Variants in FN1 observed in about 807,000 individuals in gnomAD.
FN1 encodes the protein fibronectin.
A neutral mutation model predicts 297.3 loss-of-function variants in FN1; 106 were observed. That is an observed-to-expected ratio of 0.36 (90% CI 0.30 to 0.42). FN1 has a LOEUF of 0.42. FN1 is among the 10% of genes least tolerant of loss of function. The pLI, the probability that FN1 is intolerant of heterozygous loss-of-function variation, is 1.00. For synonymous variants in FN1, 1,149 were observed against 1,152.6 expected, an observed-to-expected ratio of 1.00 and a Z score of 0.06; for missense variants, 2,690 against 3,124.9, an observed-to-expected ratio of 0.86 and a Z score of 3.32.
intron 41 of FN1, among the ~76,000 whole-genome samples, chr2:215,368,412 A>G (rs979338655): frequency 6.6e-6 from 1 of 152,168 alleles, no homozygotes; most frequent in African/African-American, 2.4e-5. Flanking sequence ...GCTATTTAAT[A>G]CCACTCTGCC....
chr2:215,373,403 G>A lies in FN1; in HGVS notation c.6166C>T (p.Pro2056Ser), dbSNP rs1273930775. ...ACATAAATTGTATATTCGGTTCCCG[G>A]TTCCAGGCCTGAAGGGAGAATAGAA... Reference protein sequence around the residue: ...VTEATITGLEPGTEYTIYVIA... With the variant: ...VTEATITGLESGTEYTIYVIA... Residue 2056 changes from proline (P) to serine (S), a missense_variant, in exon 39 of 46, where the codon CCG becomes TCG. Coordinates refer to ENST00000354785, the MANE Select transcript of FN1 (RefSeq NM_212482.4). 1.2e-6 allele frequency: 2 copies of A among 1,612,630 alleles called. No homozygotes were observed. Among genetic ancestry groups the A allele is most frequent in the Admixed American group, 3.3e-5 (2 of 59,996 alleles).
In FN1 at chr2:215,414,836, CA is replaced by C; in HGVS notation, c.1941del (p.Asn649IlefsTer3). On this transcript the variant is annotated frameshift_variant and splice_region_variant, in exon 13 of 46. Transcript: ENST00000354785. LOFTEE classifies it high-confidence loss of function. ...HISKYILRWRPKNSVGRWKEA... is the reference protein window; with the variant it reads ...HISKYILRWRXKNSVGRWKEA... ...CCAAGGTTTCTGGGTGGGATACTCA[CA>C]GGTCTCCACCTGAGAATGTACTTGG... The C allele has an allele frequency of 6.2e-7, 1 of 1,613,544 alleles. No homozygotes were observed. Among genetic ancestry groups the C allele is most frequent in the Non-Finnish European group, 8.5e-7 (1 of 1,179,624 alleles).
At position 215,372,068 on chromosome 2, in the gene FN1, T is replaced by C. The variant is rs2056306686; in HGVS notation, c.6555A>G (p.Val2185=). The C allele has an allele frequency of 6.2e-7, 1 of 1,614,214 alleles. No individual in the cohort carries two copies. The part of the protein sequence containing the change: ...IQIGHIPRED[V]DYHLYPHGPG... ...GACCGTGTGGGTACAGGTGATAGTCTACATCTTCCCTGGGGATGTGACCAA... is the reference window on the plus strand; with the variant it reads ...GACCGTGTGGGTACAGGTGATAGTCCACATCTTCCCTGGGGATGTGACCAA... The change falls in exon 40 of 46, where the codon GTA becomes GTG. Residue 2185 remains valine (V), a synonymous_variant. Transcript: ENST00000354785.
intron 5 of FN1, 109 bp downstream of exon 5, chr2:215,430,606 G>T: frequency 1.5e-6 from 2 of 1,300,196 alleles, no homozygotes; most frequent in Non-Finnish European, 2.2e-6. Context: ...AGTTACCAAA[G>T]CATGCTGATA....
chr2:215,377,403 G>T (rs2057488066), intron 35 of FN1, among the ~76,000 whole-genome samples: 1 of 152,078 alleles, frequency 6.6e-6, no homozygotes, highest in African/African-American at 2.4e-5. Flanking sequence ...TTGTGGCTTG[G>T]TGCCCTCTTT....
intron 42 of FN1, chr2:215,367,650 A>G: frequency 1.7e-6 from 1 of 605,026 alleles, no homozygotes; most frequent in South Asian, 1.9e-5. Context: ...TTGTATTGGC[A>G]TACAACCCTT....
chr2:215,370,639 C>A (rs572223782), intron 40 of FN1: 2 of 555,040 alleles, frequency 3.6e-6, no homozygotes, highest in African/African-American at 1.9e-5. Context: ...TCGTTCCTGC[C>A]AGATTTTCCT....
intron 23 of FN1, 22 bp from the exon 24 acceptor site, chr2:215,394,741 A>G (rs1426704584): frequency 1.9e-6 from 3 of 1,583,074 alleles, no homozygotes; most frequent in African/African-American, 1.3e-5. Flanking sequence ...AGAAAAGGGA[A>G]GTTATTGCAC....
At chr2:215,380,064 A>G (rs1418383928) in intron 33 of FN1, 1 of 152,400 alleles carries the variant, frequency 6.6e-6, no homozygotes, top group Admixed American at 6.5e-5. Context: ...CATCCAAAAA[A>G]GAGAGAATAA....
chr2:215,364,106 G>A (rs910274941), intron 44 of FN1, among the ~76,000 whole-genome samples: 2 of 152,132 alleles, frequency 1.3e-5, no homozygotes, highest in African/African-American at 4.8e-5. Context: ...GTATTTGTCA[G>A]ACCCACTTAG....
At chr2:215,435,247 C>G (rs2067253851) in intron 1 of FN1, among the ~76,000 whole-genome samples, 1 of 152,106 alleles carries the variant, frequency 6.6e-6, no homozygotes, top group Non-Finnish European at 1.5e-5. Context: ...TTTCAATACC[C>G]CCTTTCCACC....
chr2:215,364,719 T>C (rs542787681), intron 44 of FN1, 160 bp downstream of exon 44: 349 of 667,712 alleles, frequency 5.2e-4, no homozygotes, highest in Non-Finnish European at 8.2e-4. Context: ...GACATAGAGC[T>C]GCTCTAGAGC....
Position 215,375,619 on chromosome 2 carries a change from G to T in FN1, c.5977+10C>A. 1 of 1,578,856 alleles carries T rather than the reference G, an allele frequency of 6.3e-7. No individual in the cohort carries two copies. Among genetic ancestry groups the T allele is most frequent in the Non-Finnish European group, 8.7e-7 (1 of 1,148,014 alleles). ...GTCAATGGCATTTCCTCAGTAGAAG[G>T]TATAGTTACCAGTGGAGGCGTCGAT... On this transcript the variant is annotated intron_variant, in intron 37 of 45. Transcript: ENST00000354785.
chr2:215,385,335 G>A (rs906071115), intron 28 of FN1, among the ~76,000 whole-genome samples: 10 of 151,764 alleles, frequency 6.6e-5, no homozygotes, highest in Non-Finnish European at 1.0e-4. Flanking sequence ...GCCGAGGCGG[G>A]TGGATCATTT....
Position 215,361,569 on chromosome 2 carries a change from C to T in FN1, c.7420G>A (p.Asp2474Asn). The T allele has an allele frequency of 6.2e-7, 1 of 1,608,666 alleles. No individual in the cohort carries two copies. The highest frequency in any genetic ancestry group is 8.5e-7 in the Non-Finnish European group (1 of 1,175,122). The change falls in exon 46 of 46, where the codon GAT (aspartate) becomes AAT (asparagine). Residue 2474 changes from aspartate (D) to asparagine (N), a missense_variant. Around this residue, in one of 3 missense-constraint regions of FN1, gnomAD observed 1,743 missense variants for 1,945.2 expected, o/e 0.90. Coordinates refer to ENST00000354785, the MANE Select transcript of FN1 (RefSeq NM_212482.4). ...MPLDVQADRE[D>N]SRE ...GGAAAGATGATTTACTCTCGGGAAT[C>T]TTCTCTGTCAGCCTGTACATCTAAA...
At chr2:215,376,332 G>A (rs1217922230) in intron 36 of FN1, among the ~76,000 whole-genome samples, 166 bp downstream of exon 36, 3 of 152,146 alleles carry the variant, frequency 2.0e-5, no homozygotes, top group African/African-American at 7.2e-5. Context: ...GCATTCAAAG[G>A]ACAAAACTAT....
intron 29 of FN1, 152 bp from the exon 30 acceptor site, chr2:215,384,336 T>C (rs2058623912): frequency 1.4e-6 from 1 of 708,558 alleles, no homozygotes; most frequent in Non-Finnish European, 2.4e-6. Context: ...GAAAGGGGTA[T>C]TTATGCATGT....
At chr2:215,400,194 A>AG (rs1273713419) in intron 20 of FN1, among the ~76,000 whole-genome samples, 11 of 152,038 alleles carry the variant, frequency 7.2e-5, no homozygotes, top group African/African-American at 2.2e-4. Flanking sequence ...TCTCAAAAAA[A>AG]GAAAAAAAAA....
chr2:215,419,072 GA>G, intron 12 of FN1, among the ~76,000 whole-genome samples, 169 bp downstream of exon 12: 1 of 152,312 alleles, frequency 6.6e-6, no homozygotes, highest in South Asian at 2.1e-4. Flanking sequence ...GATAGAGGAA[GA>G]GAGAAAAATT....
Sources: gnomAD v4.1 joint callset for allele counts (sites outside exome capture counted in the v4.1 genomes callset) on GRCh38, gnomAD v4.1.1 for gene constraint, gnomAD v4.1.1 regional missense constraint, MANE v1.5 for transcripts, NCBI Gene and HGNC (gene_info 2026-07-23, HGNC 2026-07-21) for gene names.